The following RICTOR variants were observed in gnomAD, a reference collection of about 807,000 sequenced individuals.
RICTOR encodes the protein RPTOR independent companion of MTOR complex 2.
In RICTOR, 49 loss-of-function variants were observed where a neutral mutation model predicts 214.9. That is an observed-to-expected ratio of 0.23 (90% confidence interval 0.18 to 0.29). The LOEUF is 0.29. Among genes scored for constraint, RICTOR ranks in the 10% least tolerant of loss-of-function variants. RICTOR has a pLI of 1.00. For synonymous variants in RICTOR, 717 were observed against 711.3 expected (o/e 1.01, Z -0.13); for missense variants, 1,625 against 2,047.0 (o/e 0.79, Z 3.98).
intron 30 of RICTOR, 82 bp downstream of exon 30, chr5:38,952,114 G>T (rs182722273): frequency 2.4e-6 from 2 of 846,024 alleles, no homozygotes; most frequent in African/African-American, 3.4e-5. Flanking sequence ...AATTACAAAT[G>T]TAACAAATAC....
chr5:38,966,690 T>A lies in RICTOR; in HGVS notation c.1250A>T (p.Asp417Val). 6.3e-7 allele frequency: 1 copy of A among 1,596,146 alleles called. No homozygotes were observed. Among genetic ancestry groups the A allele is most frequent in the Non-Finnish European group, 8.6e-7 (1 of 1,165,966 alleles). The change falls in exon 15 of 38, where the codon GAT (aspartate) becomes GTT (valine). Residue 417 changes from aspartate (D) to valine (V), a missense_variant. Physicochemically the swap from Asp to Val is radical, Grantham distance 152 (BLOSUM62 -3). Transcript: ENST00000357387. ...GATGGTAGCTCTAACTGAGATATGA[T>A]CATCACTGTTTGTTATCACTTCAAC... ...GLVEVITNSD[D>V]HISVRATILL...
rs186993071 is a variant in RICTOR at position 39,048,877 on chromosome 5, A to C, written c.97+25234T>G. On this transcript the variant is annotated intron_variant, in intron 2 of 37. Coordinates refer to ENST00000357387, the MANE Select transcript of RICTOR (RefSeq NM_152756.5). ...ATGCAAGACAAGGAATTTGTTACGCATAAAGTTAGACCTTAGAAAAGTCTA... is the reference window on the plus strand; with the variant it reads ...ATGCAAGACAAGGAATTTGTTACGCCTAAAGTTAGACCTTAGAAAAGTCTA... Among the ~76,000 whole-genome samples the C allele has an allele frequency of 1.0e-3, 157 of 152,320 alleles. 1 individual carries two copies. The highest frequency in any genetic ancestry group is 0.01 in the Middle Eastern group (3 of 294).
At chr5:39,010,723 C>A (rs1182541515) in intron 3 of RICTOR, among the ~76,000 whole-genome samples, 1 of 152,194 alleles carries the variant, frequency 6.6e-6, no homozygotes, top group Non-Finnish European at 1.5e-5. Flanking sequence ...CACTAGAAAT[C>A]TGTGGAACTC....
chr5:39,014,515 T>C (rs1206830110), intron 3 of RICTOR, among the ~76,000 whole-genome samples: 1 of 152,104 alleles, frequency 6.6e-6, no homozygotes, highest in Non-Finnish European at 1.5e-5. Flanking sequence ...CTTAAAGTTT[T>C]TAAAAAGCAG....
chr5:38,979,166 G>A (rs889508465), intron 8 of RICTOR, among the ~76,000 whole-genome samples: 1 of 152,152 alleles, frequency 6.6e-6, no homozygotes, highest in African/African-American at 2.4e-5. Context: ...GTACTTAAGA[G>A]ACAAGATCTT....
At chr5:39,023,563 C>T (rs148135161) in intron 2 of RICTOR, among the ~76,000 whole-genome samples, 63 of 152,312 alleles carry the variant, frequency 4.1e-4, no homozygotes, top group Middle Eastern at 3.4e-3. Flanking sequence ...CTTCACCATC[C>T]TATTTGTTTT....
chr5:38,982,084 G>A (rs2150062137), intron 7 of RICTOR, 48 bp from the exon 8 acceptor site: 1 of 1,384,748 alleles, frequency 7.2e-7, no homozygotes, highest in Admixed American at 2.0e-5. Flanking sequence ...ATTATTAAAA[G>A]TAATAAAAAA....
At chr5:39,001,745 C>T (rs887129755) in intron 5 of RICTOR, among the ~76,000 whole-genome samples, 1 of 152,012 alleles carries the variant, frequency 6.6e-6, no homozygotes, top group Non-Finnish European at 1.5e-5. Context: ...AAACTTTCAA[C>T]CAGCAAATGA....
At chr5:38,962,680 T>C (rs1310562275) in intron 17 of RICTOR, 94 bp from the exon 18 acceptor site, 1 of 825,912 alleles carries the variant, frequency 1.2e-6, no homozygotes, top group African/African-American at 1.7e-5. Context: ...AGGCAGCTTT[T>C]CCATTTAAGG....
intron 36 of RICTOR, 52 bp downstream of exon 36, chr5:38,944,394 C>T (rs374273758): frequency 1.5e-4 from 233 of 1,553,294 alleles, no homozygotes; most frequent in Non-Finnish European, 1.8e-4. Context: ...TATCTTTTCT[C>T]GACTTAAAAA....
In RICTOR at chr5:39,046,376, TAAAA is replaced by T. The variant is rs529193857; in HGVS notation, c.98-25244_98-25241del. 6.9e-3 allele frequency among the ~76,000 whole-genome samples: 881 copies of T among 127,144 alleles called. 5 individuals are homozygous for T. The highest frequency in any genetic ancestry group is 9.0e-3 in the Non-Finnish European group (527 of 58,666). 83.4% of individuals were successfully genotyped at this position (127,144 alleles called of 152,430 possible). A position where few individuals can be genotyped will look rare whatever the true frequency, so the allele number is the denominator to read the frequency against. ...AAGACCCTGTCTCTAAAAACAAAATTAAAAAAAAAAAAAAGAAGAAGAATAAATG... is the reference window on the plus strand; with the variant it reads ...AAGACCCTGTCTCTAAAAACAAAATTAAAAAAAAAAGAAGAAGAATAAATG... On this transcript the variant is annotated intron_variant, in intron 2 of 37. Transcript: ENST00000357387.
intron 34 of RICTOR, 80 bp downstream of exon 34, chr5:38,945,411 C>T: frequency 1.0e-6 from 1 of 970,094 alleles, no homozygotes; most frequent in Non-Finnish European, 1.6e-6. Flanking sequence ...AATTAGAATA[C>T]CAAAAAGAAA....
Position 39,039,517 on chromosome 5 carries a change from G to A in RICTOR, c.98-18381C>T, listed in dbSNP as rs1366643987. 3.9e-5 allele frequency among the ~76,000 whole-genome samples: 6 copies of A among 152,132 alleles called. No homozygotes were observed. In the East Asian group the frequency reaches 9.6e-4, roughly 24 times the overall value. On this transcript the variant is annotated intron_variant, in intron 2 of 37. Coordinates refer to ENST00000357387, the MANE Select transcript of RICTOR (RefSeq NM_152756.5). ...TGCACAGCAAAAGAAACTACCATCA[G>A]AGTGAACAGGTAACCTACAGAATAG...
At chr5:39,003,659 T>C (rs757655038) in intron 3 of RICTOR, 37 bp from the exon 4 acceptor site, 3 of 1,363,092 alleles carry the variant, frequency 2.2e-6, no homozygotes, top group Non-Finnish European at 3.1e-6. Flanking sequence ...ATTTATGTGT[T>C]GTATATTTTC....
chr5:39,065,727 G>T (rs1306841117), intron 2 of RICTOR, among the ~76,000 whole-genome samples: 1 of 152,242 alleles, frequency 6.6e-6, no homozygotes. Flanking sequence ...CCCCATGCAA[G>T]TTCAAAACCC....
chr5:39,057,211 T>A (rs922161437), intron 2 of RICTOR, among the ~76,000 whole-genome samples: 2 of 152,094 alleles, frequency 1.3e-5, no homozygotes, highest in Admixed American at 1.3e-4. Flanking sequence ...TAGGATAAAT[T>A]TAAAGGCCTT....
At chr5:38,994,770 C>A (rs2592308) in intron 6 of RICTOR, among the ~76,000 whole-genome samples, 144,814 of 152,294 alleles carry the variant, frequency 0.95, 69,015 homozygotes, top group East Asian at 0.99. Context: ...TGCAAAAATA[C>A]AAAATTGAAG....
At chr5:38,947,789 T>C (rs1294502303) in intron 31 of RICTOR, among the ~76,000 whole-genome samples, 7 of 152,130 alleles carry the variant, frequency 4.6e-5, no homozygotes, top group Non-Finnish European at 8.8e-5. Flanking sequence ...TCATAATCAC[T>C]TGAGACTACT....
intron 2 of RICTOR, among the ~76,000 whole-genome samples, chr5:39,059,376 T>C (rs531300799): frequency 1.3e-5 from 2 of 152,272 alleles, no homozygotes; most frequent in South Asian, 4.1e-4. Flanking sequence ...AAGTAGTGCC[T>C]GGAAGGAAAC....
Sources: gnomAD v4.1 joint callset for allele counts (sites outside exome capture counted in the v4.1 genomes callset) on GRCh38, gnomAD v4.1.1 for gene constraint, MANE v1.5 for transcripts, NCBI Gene and HGNC (gene_info 2026-07-23, HGNC 2026-07-21) for gene names.